The following FAM13A variants were observed in gnomAD, a reference collection of about 807,000 sequenced individuals.
The protein encoded by FAM13A is family with sequence similarity 13 member A.
FAM13A carries 76 observed loss-of-function variants against 129.6 expected under a neutral mutation model. That is an observed-to-expected ratio of 0.59 (90% CI 0.49 to 0.71). The LOEUF (loss-of-function observed/expected upper bound fraction) is 0.71, where lower values mean the gene tolerates loss of function less well. Ranked by LOEUF, FAM13A falls within the 30% of genes least tolerant of loss-of-function variation. FAM13A has a pLI of 0.00. For missense variants in FAM13A, 1,108 were observed against 1,249.3 expected, an observed-to-expected ratio of 0.89 and a Z score of 1.70; for synonymous variants, 443 against 449.9, an observed-to-expected ratio of 0.98 and a Z score of 0.20.
intron 13 of FAM13A, among the ~76,000 whole-genome samples, chr4:88,763,305 ATT>A (rs1172992216): frequency 2.0e-5 from 3 of 152,210 alleles, no homozygotes; most frequent in South Asian, 2.1e-4. Context: ...TCATTCATTC[ATT>A]CATACATTTG....
At chr4:88,967,518 G>A (rs1459076093) in intron 4 of FAM13A, among the ~76,000 whole-genome samples, 1 of 152,154 alleles carries the variant, frequency 6.6e-6, no homozygotes, top group Non-Finnish European at 1.5e-5. Flanking sequence ...AACTCTTGTA[G>A]TGGGTAGCTG....
rs574484819 is a variant in FAM13A, at chr4:88,982,502, A to C, written c.605+8471T>G. ...AACTCTGTGGGTCCTGTTTTACAAA[A>C]ATTTAACAGGAAAATAATGCAGGCC... On this transcript the variant is annotated intron_variant, in intron 4 of 23. Transcript: ENST00000264344. 6.6e-5 allele frequency among the ~76,000 whole-genome samples: 10 copies of C among 152,360 alleles called. No homozygotes were observed. In the East Asian group the frequency reaches 1.7e-3, roughly 26 times the overall value.
chr4:88,929,436 C>A (rs1752709027), intron 5 of FAM13A, among the ~76,000 whole-genome samples: 1 of 152,078 alleles, frequency 6.6e-6, no homozygotes. Context: ...GTCTAACTTT[C>A]TTGCTAGATT....
chr4:89,044,404 A>G lies in FAM13A; in HGVS notation c.27+12534T>C, dbSNP rs1028759528. On this transcript the variant is annotated intron_variant, in intron 1 of 23. Transcript: ENST00000264344. ...CTTCACACCAATTAAGATGGCTATT[A>G]TAAAAATGAAAGAAAGAAAATAACA... Among the ~76,000 whole-genome samples, 18 of 152,324 alleles carry G rather than the reference A, an allele frequency of 1.2e-4. No homozygotes were observed. The East Asian group carries it at 1.9e-3, about 16-fold the overall frequency.
At chr4:88,918,283 A>G (rs1032994035) in intron 5 of FAM13A, among the ~76,000 whole-genome samples, 6 of 152,248 alleles carry the variant, frequency 3.9e-5, no homozygotes, top group African/African-American at 1.4e-4. Context: ...TCACTTATAT[A>G]GTAGTTAACT....
intron 6 of FAM13A, 89 bp from the exon 7 acceptor site, chr4:88,851,272 C>G: frequency 8.4e-7 from 1 of 1,189,478 alleles, no homozygotes; most frequent in Non-Finnish European, 1.1e-6. Flanking sequence ...CAATTTATTC[C>G]AATTTTGCAA....
intron 11 of FAM13A, among the ~76,000 whole-genome samples, chr4:88,771,147 A>C: frequency 1.6e-5 from 1 of 64,450 alleles, no homozygotes. Flanking sequence ...ACAACCCGGA[A>C]AGCATTTTTT....
chr4:88,917,490 T>A (rs1176579009), intron 5 of FAM13A, among the ~76,000 whole-genome samples: 2 of 152,106 alleles, frequency 1.3e-5, no homozygotes, highest in Non-Finnish European at 2.9e-5. Flanking sequence ...CATAGCCAAC[T>A]CTAATTCAAG....
intron 2 of FAM13A, among the ~76,000 whole-genome samples, chr4:89,022,666 C>G (rs923297182): frequency 2.0e-5 from 3 of 152,128 alleles, no homozygotes; most frequent in Admixed American, 2.0e-4. Context: ...TTGCTTCTAA[C>G]AACAGAATAC....
At chr4:88,928,418 T>C (rs183807838) in intron 5 of FAM13A, among the ~76,000 whole-genome samples, 2 of 152,214 alleles carry the variant, frequency 1.3e-5, no homozygotes, top group East Asian at 1.9e-4. Flanking sequence ...GATCTGTCTA[T>C]TGCTGTCCCT....
chr4:88,976,892 T>A (rs2148970303), intron 4 of FAM13A, among the ~76,000 whole-genome samples: 1 of 152,290 alleles, frequency 6.6e-6, no homozygotes, highest in East Asian at 1.9e-4. Context: ...GCCTATAGCA[T>A]TCAGTACAGT....
At chr4:88,969,576 C>T (rs2148945018) in intron 4 of FAM13A, among the ~76,000 whole-genome samples, 1 of 152,320 alleles carries the variant, frequency 6.6e-6, no homozygotes, top group East Asian at 1.9e-4. Context: ...CATATCTATT[C>T]TATTTCTGGA....
chr4:88,819,501 G>A (rs1731468034), intron 7 of FAM13A, among the ~76,000 whole-genome samples: 1 of 152,064 alleles, frequency 6.6e-6, no homozygotes, highest in South Asian at 2.1e-4. Flanking sequence ...ACATAAAATA[G>A]AGATCCTTAC....
At chr4:88,963,041 T>C (rs544022281) in intron 4 of FAM13A, among the ~76,000 whole-genome samples, 10 of 152,180 alleles carry the variant, frequency 6.6e-5, no homozygotes, top group Non-Finnish European at 1.5e-4. Context: ...ACTAGGTGAC[T>C]TTTACTTTTT....
At chr4:88,757,954 A>T (rs2149502579) in intron 14 of FAM13A, among the ~76,000 whole-genome samples, 1 of 152,288 alleles carries the variant, frequency 6.6e-6, no homozygotes, top group East Asian at 1.9e-4. Context: ...TCAGGTGCAC[A>T]ATTTTTCCCT....
At chr4:88,854,846 A>C (rs1213621009) in intron 6 of FAM13A, among the ~76,000 whole-genome samples, 1 of 152,244 alleles carries the variant, frequency 6.6e-6, no homozygotes, top group Non-Finnish European at 1.5e-5. Flanking sequence ...ATGTTCTTTG[A>C]GACAGTAAAA....
chr4:88,773,681 C>T (rs1721136150), intron 11 of FAM13A, among the ~76,000 whole-genome samples: 1 of 152,236 alleles, frequency 6.6e-6, no homozygotes, highest in South Asian at 2.1e-4. Flanking sequence ...TCAGCTTATC[C>T]ACTCTCAAGG....
chr4:88,969,621 C>T (rs1759808808), intron 4 of FAM13A, among the ~76,000 whole-genome samples: 1 of 152,208 alleles, frequency 6.6e-6, no homozygotes. Context: ...TGAACTTTTG[C>T]ACTGAACATT....
chr4:88,790,322 C>T (rs1444283714), intron 9 of FAM13A, among the ~76,000 whole-genome samples: 8 of 151,988 alleles, frequency 5.3e-5, no homozygotes. Flanking sequence ...ATTAATTGAT[C>T]CTGGCATTAT....
Sources: gnomAD v4.1 joint callset for allele counts (sites outside exome capture counted in the v4.1 genomes callset) on GRCh38, gnomAD v4.1.1 for gene constraint, MANE v1.5 for transcripts, NCBI Gene and HGNC (gene_info 2026-07-23, HGNC 2026-07-21) for gene names.